The following KCNN2 variants were observed in gnomAD, a reference collection of about 807,000 sequenced individuals.
KCNN2 encodes potassium calcium-activated channel subfamily N member 2, also known as small conductance calcium-activated potassium channel protein 2.
KCNN2 carries 24 observed loss-of-function variants against 55.5 expected under a neutral mutation model. That is an observed-to-expected ratio of 0.43 (90% confidence interval 0.31 to 0.61). The LOEUF (loss-of-function observed/expected upper bound fraction) is 0.61. Ranked by LOEUF, KCNN2 falls within the 20% of genes least tolerant of loss-of-function variation. KCNN2 has a pLI of 0.08. For synonymous variants in KCNN2, 431 were observed against 336.1 expected (o/e 1.28, Z -3.09); for missense variants, 754 against 853.6 (o/e 0.88, Z 1.45).
chr5:114,203,414 T>C (rs1753712862), intron 1 of KCNN2, among the ~76,000 whole-genome samples: 1 of 150,536 alleles, frequency 6.6e-6, no homozygotes, highest in Non-Finnish European at 1.5e-5. Context: ...AAAGAAAATC[T>C]TCATTTTTTT....
At position 114,364,039 on chromosome 5, in the gene KCNN2, C is replaced by G. The variant is rs776474353; in HGVS notation, c.1218+38C>G. On this transcript the variant is annotated intron_variant, in intron 2 of 7. Transcript: ENST00000673685. Reference sequence around the variant, plus strand: ...CTGCTGTTTATGAATGACCCAAAGCCCTACAGTCAGCCTAGAGAAACGCAA... The same window carrying G: ...CTGCTGTTTATGAATGACCCAAAGCGCTACAGTCAGCCTAGAGAAACGCAA... 68 of 1,477,568 alleles carry G rather than the reference C, an allele frequency of 4.6e-5. 1 individual carries two copies. The South Asian group carries it at 6.8e-4, about 15-fold the overall frequency. 91.5% of individuals were successfully genotyped at this position (1,477,568 alleles called of 1,614,324 possible). A position where few individuals can be genotyped will look rare whatever the true frequency, so the allele number is the denominator to read the frequency against.
intron 1 of KCNN2, among the ~76,000 whole-genome samples, chr5:114,063,443 A>G (rs1057218586): frequency 7.9e-5 from 12 of 152,292 alleles, no homozygotes; most frequent in African/African-American, 2.9e-4. Flanking sequence ...GGTTTTCAAA[A>G]CACAGATTTC....
chr5:114,065,984 A>G (rs1230586568), intron 1 of KCNN2, among the ~76,000 whole-genome samples: 2 of 146,610 alleles, frequency 1.4e-5, no homozygotes, highest in African/African-American at 5.0e-5. Flanking sequence ...TATGACTATC[A>G]TTACATTTTG....
At chr5:114,242,551 A>G (rs1160042072) in intron 2 of KCNN2, among the ~76,000 whole-genome samples, 2 of 152,206 alleles carry the variant, frequency 1.3e-5, no homozygotes, top group Non-Finnish European at 2.9e-5. Context: ...TATTAATTCA[A>G]CTATTTCTCT....
Position 114,160,664 on chromosome 5 carries a change from C to T in KCNN2, c.-270-60816C>T, listed in dbSNP as rs374823862. 4.6e-4 allele frequency among the ~76,000 whole-genome samples: 70 copies of T among 152,212 alleles called. No homozygotes were observed. In the East Asian group the frequency reaches 0.012, roughly 26 times the overall value. On this transcript the variant is annotated intron_variant, in intron 1 of 10. Coordinates refer to the KCNN2 transcript ENST00000512097. ...AAGTCTCTTTGTAGGTCACTAAGGA[C>T]TTGCTTTATGAATCTGGGTGCTCCT...
chr5:114,180,777 C>T (rs1753222942), intron 1 of KCNN2, among the ~76,000 whole-genome samples: 1 of 152,100 alleles, frequency 6.6e-6, no homozygotes, highest in Admixed American at 6.5e-5. Flanking sequence ...TTCCCTCAGC[C>T]CCCTTCCTAG....
At chr5:114,490,084 G>T (rs1747774163) in intron 6 of KCNN2, among the ~76,000 whole-genome samples, 1 of 151,990 alleles carries the variant, frequency 6.6e-6, no homozygotes, top group African/African-American at 2.4e-5. Context: ...ACTTAGTGTC[G>T]TGAAGTGTTC....
Position 114,473,163 on chromosome 5 carries a change from G to GAGTA in KCNN2, c.1890+3_1890+6dup, listed in dbSNP as rs761197313. 5.1e-6 allele frequency: 8 copies of GAGTA among 1,554,776 alleles called. 1 individual carries two copies. The South Asian group carries it at 7.9e-5, about 15-fold the overall frequency. ...ATGATGGATACTCAGCTGACTAAAA[G>GAGTA]AGTAAGTTACTATCCATATATCTTC... On this transcript the variant is annotated frameshift_variant and splice_region_variant, in exon 5 of 8. Coordinates refer to ENST00000673685, the MANE Select transcript of KCNN2 (RefSeq NM_021614.4). LOFTEE classifies it high-confidence loss of function.
intron 1 of KCNN2, among the ~76,000 whole-genome samples, chr5:114,077,361 T>C (rs1019771777): frequency 1.3e-5 from 2 of 152,164 alleles, no homozygotes; most frequent in African/African-American, 4.8e-5. Context: ...CATGTGGAAG[T>C]GTGGGTCAGT....
At chr5:114,489,709 A>G (rs1747756370) in intron 6 of KCNN2, among the ~76,000 whole-genome samples, 10 of 152,026 alleles carry the variant, frequency 6.6e-5, no homozygotes, top group Admixed American at 6.6e-4. Flanking sequence ...CTTTCATTTT[A>G]GCTTAGTGTT....
At chr5:114,289,037 G>A (rs1755828279) in intron 2 of KCNN2, among the ~76,000 whole-genome samples, 1 of 152,112 alleles carries the variant, frequency 6.6e-6, no homozygotes, top group African/African-American at 2.4e-5. Flanking sequence ...TGGCGTAGAG[G>A]CACAACTTCA....
intron 2 of KCNN2, among the ~76,000 whole-genome samples, chr5:114,401,348 A>G (rs1438498231): frequency 6.6e-6 from 1 of 152,180 alleles, no homozygotes; most frequent in Non-Finnish European, 1.5e-5. Context: ...ATGACTTATT[A>G]TTTAGGTGAA....
At chr5:114,340,639 C>T (rs1447204763) in intron 2 of KCNN2, among the ~76,000 whole-genome samples, 1 of 148,284 alleles carries the variant, frequency 6.7e-6, no homozygotes, top group African/African-American at 2.5e-5. Context: ...ATATCCATCA[C>T]CTCACACCAT....
chr5:114,286,892 G>T (rs1230123106), intron 2 of KCNN2, among the ~76,000 whole-genome samples: 2 of 152,178 alleles, frequency 1.3e-5, no homozygotes, highest in Admixed American at 6.5e-5. Flanking sequence ...CATGACGGAA[G>T]TGTCTATTAA....
intron 2 of KCNN2, among the ~76,000 whole-genome samples, chr5:114,272,369 A>G (rs1427537867): frequency 8.0e-6 from 1 of 124,400 alleles, no homozygotes; most frequent in Non-Finnish European, 1.7e-5. Flanking sequence ...ATATACACAC[A>G]CATATGTATG....
At chr5:114,135,451 C>T (rs987218473) in intron 1 of KCNN2, among the ~76,000 whole-genome samples, 17 of 152,246 alleles carry the variant, frequency 1.1e-4, no homozygotes, top group Admixed American at 1.1e-3. Flanking sequence ...CCCCCCAACC[C>T]GACTCCAAAC....
At chr5:114,151,181 G>A (rs1051992680) in intron 1 of KCNN2, among the ~76,000 whole-genome samples, 3 of 151,824 alleles carry the variant, frequency 2.0e-5, no homozygotes, top group African/African-American at 4.8e-5. Flanking sequence ...TTTGGGTAGA[G>A]TTGAGAAAAA....
intron 3 of KCNN2, among the ~76,000 whole-genome samples, chr5:114,454,674 A>G (rs1429985867): frequency 6.6e-6 from 1 of 152,216 alleles, no homozygotes; most frequent in Non-Finnish European, 1.5e-5. Flanking sequence ...GCTGGGCCCT[A>G]AGTCTCTGAG....
At chr5:114,106,508 G>A (rs571678127) in intron 1 of KCNN2, among the ~76,000 whole-genome samples, 8 of 151,476 alleles carry the variant, frequency 5.3e-5, no homozygotes, top group Admixed American at 2.6e-4. Context: ...TAGTTGCTCC[G>A]CATTCTCACT....
Sources: gnomAD v4.1 joint callset for allele counts (sites outside exome capture counted in the v4.1 genomes callset) on GRCh38, gnomAD v4.1.1 for gene constraint, MANE v1.5 for transcripts, NCBI Gene and HGNC (gene_info 2026-07-23, HGNC 2026-07-21) for gene names.